CASK: variants seen among roughly 807,000 people sequenced by gnomAD.
The protein encoded by CASK is calcium/calmodulin dependent serine protein kinase.
A neutral mutation model predicts 82.9 loss-of-function variants in CASK; 4 were observed. The observed-to-expected ratio is 0.05, with a 90% CI of 0.02 to 0.11. CASK has a LOEUF of 0.11. Among genes scored for constraint, CASK ranks in the 10% least tolerant of loss-of-function variants. The pLI is 1.00. For missense variants in CASK, 358 were observed against 720.9 expected (o/e 0.50, Z 5.76); for synonymous variants, 259 against 253.5 (o/e 1.02, Z -0.20).
chrX:41,869,934 C>T lies in CASK; in HGVS notation c.60-16707G>A, dbSNP rs972625623. The stretch of plus-strand genomic sequence containing the variant: ...AGGTCAAAATAAATGATCCAGAATA[C>T]ACCATGGAGAAAAACAAAAAGGTGA... On this transcript the variant is annotated intron_variant, in intron 1 of 26. Transcript: ENST00000378163. Among the ~76,000 whole-genome samples the T allele has an allele frequency of 2.9e-5, 3 of 103,700 alleles. No homozygotes were observed. In the Admixed American group the frequency reaches 3.2e-4, roughly 11 times the overall value. 90.1% of individuals were successfully genotyped at this position (103,700 alleles called of 115,157 possible).
chrX:41,783,257 T>C (rs1037120724), intron 3 of CASK, among the ~76,000 whole-genome samples: 3 of 112,284 alleles, frequency 2.7e-5, no homozygotes, highest in Non-Finnish European at 3.8e-5. Flanking sequence ...ACCAGATAAG[T>C]AATTTTAAAA....
chrX:41,913,478 T>C (rs2072620206), intron 1 of CASK, among the ~76,000 whole-genome samples: 1 of 112,320 alleles, frequency 8.9e-6, no homozygotes, highest in Non-Finnish European at 1.9e-5. Context: ...AACCACATTT[T>C]ACAGATAAAG....
chrX:41,658,224 A>G (rs2066973888), intron 8 of CASK, among the ~76,000 whole-genome samples: 1 of 111,865 alleles, frequency 8.9e-6, no homozygotes, highest in Admixed American at 9.5e-5. Context: ...ACATAAGTAA[A>G]TGTTTCCCTG....
intron 14 of CASK, among the ~76,000 whole-genome samples, chrX:41,580,738 A>C (rs2065563131): frequency 8.9e-6 from 1 of 112,247 alleles, no homozygotes; most frequent in South Asian, 3.6e-4. Flanking sequence ...AGCTTAAAAG[A>C]GTATATAAAA....
At position 41,517,970 on chromosome X, in the gene CASK, C is replaced by T. The variant is rs906892624; in HGVS notation, c.*2450G>A. The T allele has an allele frequency of 1.2e-5, 5 of 406,474 alleles. No individual in the cohort carries two copies. Among genetic ancestry groups the T allele is most frequent in the Admixed American group, 1.1e-4 (3 of 28,287 alleles). The allele number at this position is 406,474 out of a possible 1,213,427, so 33.5% of individuals were successfully genotyped here. Reference sequence around the variant, plus strand: ...GTTCTGCATGCAGGGATTTCACCATCGGAATGATGGCAAGAATGATGCCTG... The same window carrying T: ...GTTCTGCATGCAGGGATTTCACCATTGGAATGATGGCAAGAATGATGCCTG... On this transcript the variant is annotated 3_prime_UTR_variant, in exon 27 of 27. Transcript: ENST00000378163.
intron 5 of CASK, among the ~76,000 whole-genome samples, chrX:41,708,973 G>A (rs1205840642): frequency 9.0e-6 from 1 of 111,411 alleles, no homozygotes; most frequent in Admixed American, 9.6e-5. Context: ...GCTTTTGATA[G>A]AGGAAAGGGA....
intron 24 of CASK, among the ~76,000 whole-genome samples, chrX:41,534,274 A>G (rs1443914729): frequency 1.8e-5 from 2 of 111,635 alleles, no homozygotes; most frequent in Non-Finnish European, 3.8e-5. Context: ...TTGTCATATC[A>G]GAAACTGTAC....
chrX:41,707,683 C>G (rs920822415), intron 5 of CASK, among the ~76,000 whole-genome samples: 58 of 111,365 alleles, frequency 5.2e-4, no homozygotes, highest in African/African-American at 1.8e-3. Context: ...TGTGTGTGTG[C>G]ATGAGAGAGC....
chrX:41,826,520 T>G (rs1298417879), intron 2 of CASK, among the ~76,000 whole-genome samples: 1 of 111,912 alleles, frequency 8.9e-6, no homozygotes, highest in Non-Finnish European at 1.9e-5. Context: ...CTGCCCAGGC[T>G]GGAGTGCAGT....
intron 1 of CASK, among the ~76,000 whole-genome samples, chrX:41,879,596 G>A (rs1008677406): frequency 1.8e-5 from 2 of 111,230 alleles, no homozygotes; most frequent in Non-Finnish European, 3.8e-5. Flanking sequence ...TTTCATTTAT[G>A]ATGACTTTGT....
intron 2 of CASK, among the ~76,000 whole-genome samples, chrX:41,822,383 C>A (rs761123777): frequency 1.8e-5 from 2 of 108,298 alleles, no homozygotes; most frequent in South Asian, 8.1e-4. Context: ...CATGGTGAAA[C>A]CCCGTCTCTA....
intron 1 of CASK, among the ~76,000 whole-genome samples, chrX:41,856,806 A>AT (rs2071381305): frequency 9.2e-6 from 1 of 108,269 alleles, no homozygotes; most frequent in Non-Finnish European, 1.9e-5. Flanking sequence ...AAAAAAAAAA[A>AT]AAAAAAACCA....
chrX:41,679,764 T>A (rs970807925), intron 5 of CASK, among the ~76,000 whole-genome samples: 1 of 111,637 alleles, frequency 9.0e-6, no homozygotes, highest in Non-Finnish European at 1.9e-5. Context: ...AGTTCTTCTG[T>A]ATTTTTGTAA....
Position 41,647,159 on chromosome X carries a change from T to C in CASK, c.832-10498A>G, listed in dbSNP as rs774054676. On this transcript the variant is annotated intron_variant, in intron 8 of 26. Coordinates refer to ENST00000378163, the MANE Select transcript of CASK (RefSeq NM_001367721.1). ...AAAAATTGGCAAATCAAATTAATGA[T>C]TTAAGACAGTCTGTTATTTGGCTTA... Among the ~76,000 whole-genome samples, 13 of 112,149 alleles carry C rather than the reference T, an allele frequency of 1.2e-4. No homozygotes were observed. The South Asian group carries it at 4.8e-3, about 42-fold the overall frequency.
intron 2 of CASK, among the ~76,000 whole-genome samples, chrX:41,828,071 G>T (rs781204889): frequency 5.4e-5 from 6 of 111,519 alleles, no homozygotes; most frequent in African/African-American, 1.6e-4. Context: ...CCAGCCCCAT[G>T]AGGACAGTAT....
intron 14 of CASK, chrX:41,585,096 G>C (rs1274700867): frequency 8.9e-6 from 1 of 112,333 alleles, no homozygotes; most frequent in African/African-American, 3.2e-5. Flanking sequence ...TGTTATGCAG[G>C]TGAATACAAA....
chrX:41,646,339 T>C (rs901157792), intron 8 of CASK, among the ~76,000 whole-genome samples: 3 of 111,289 alleles, frequency 2.7e-5, no homozygotes, highest in African/African-American at 6.5e-5. Flanking sequence ...GGTCTAGTAA[T>C]AGACTAGGCA....
Position 41,531,188 on chromosome X carries a change from T to C in CASK, c.2339A>G (p.Lys780Arg). ...ATAATTCTTTCCATTTTCTTCGTCT[T>C]TCTTTGGAGGTCTGGTTGTATCTGC... ...PIPHTTRPPK[K>R]DEENGKNYYF... The change falls in exon 25 of 27, where the codon AAA becomes AGA. Residue 780 changes from lysine to arginine, a missense_variant. By Grantham distance (26) the Lys-to-Arg change is conservative. Around this residue, in one of 5 missense-constraint regions of CASK, gnomAD observed 118 missense variants for 169.4 expected, o/e 0.70. Coordinates refer to ENST00000378163, the MANE Select transcript of CASK (RefSeq NM_001367721.1). 1 of 1,210,297 alleles carries C rather than the reference T, an allele frequency of 8.3e-7. No homozygotes were observed. Among genetic ancestry groups the C allele is most frequent in the Non-Finnish European group, 1.1e-6 (1 of 893,985 alleles).
At position 41,569,762 on chromosome X, in the gene CASK, T is replaced by A; in HGVS notation, c.1504-16A>T. 5.0e-6 allele frequency: 5 copies of A among 994,560 alleles called. No homozygotes were observed. Among genetic ancestry groups the A allele is most frequent in the Non-Finnish European group, 5.7e-6 (4 of 706,558 alleles). The allele number at this position is 994,560 out of a possible 1,213,427, so 82.0% of individuals were successfully genotyped here. ...AAGTGATTCCCTGTTAAAAAAAAAA[T>A]AAAAAGTTCAGCAAAAGTAGAATTA... On this transcript the variant is annotated splice_polypyrimidine_tract_variant and intron_variant, in intron 15 of 26. Transcript: ENST00000378163.
Sources: allele counts gnomAD v4.1 joint callset (sites outside exome capture counted in the v4.1 genomes callset), GRCh38; gene constraint gnomAD v4.1.1; regional missense constraint gnomAD v4.1.1; transcripts MANE v1.5; gene names NCBI Gene and HGNC (gene_info 2026-07-23, HGNC 2026-07-21).